The following TOR1AIP2 variants were observed in gnomAD, a reference collection of about 807,000 sequenced individuals.
TOR1AIP2 encodes torsin 1A interacting protein 2.
Under a neutral mutation model 32.6 loss-of-function variants are expected in TOR1AIP2, and 20 were observed. That is an observed-to-expected ratio of 0.61 (90% CI 0.43 to 0.89). The LOEUF (loss-of-function observed/expected upper bound fraction) is 0.89. TOR1AIP2 is among the 40% of genes least tolerant of loss of function. The probability of loss-of-function intolerance (pLI) is 0.00; values close to 1 mark genes in which losing one functional copy is unlikely to be tolerated. For missense variants in TOR1AIP2, 456 were observed against 553.8 expected (o/e 0.82, Z 1.77); for synonymous variants, 214 against 210.8 (o/e 1.02, Z -0.13).
At chr1:179,849,067 C>T (rs574129189) in intron 5 of TOR1AIP2, among the ~76,000 whole-genome samples, 77 of 151,968 alleles carry the variant, frequency 5.1e-4, no homozygotes, top group Non-Finnish European at 9.6e-4. Flanking sequence ...ATCCGGGAGG[C>T]GGAGCTTGCA....
At chr1:179,861,615 T>C (rs1558019865) in intron 3 of TOR1AIP2, 1 of 984,984 alleles carries the variant, frequency 1.0e-6, no homozygotes, top group South Asian at 4.7e-5. Flanking sequence ...GTTTAATTAA[T>C]GAGAAAAATG....
chr1:179,864,946 G>A (rs937783909), intron 3 of TOR1AIP2: 3 of 1,614,046 alleles, frequency 1.9e-6, no homozygotes, highest in East Asian at 4.5e-5. Context: ...TCCATCTGGT[G>A]AGATTCTGGG....
rs748097508 is a variant in TOR1AIP2, at chr1:179,864,940, T to C, written c.-147+496A>G. ...GATGGCAAGCTTTCTCAAAGGTCCA[T>C]CTGGTGAGATTCTGGGGAGCCCACT... On this transcript the variant is annotated intron_variant, in intron 3 of 6. Coordinates refer to ENST00000609928, the MANE Select transcript of TOR1AIP2 (RefSeq NM_001199260.2). The C allele has an allele frequency of 3.7e-6, 6 of 1,614,046 alleles. No homozygotes were observed. In the South Asian group the frequency reaches 6.6e-5, roughly 18 times the overall value.
At position 179,851,108 on chromosome 1, in the gene TOR1AIP2, C is replaced by T. The variant is rs138587725; in HGVS notation, c.290G>A (p.Gly97Asp). 2.1e-4 allele frequency: 347 copies of T among 1,614,200 alleles called. No homozygotes were observed. The highest frequency in any genetic ancestry group is 3.5e-4 in the Admixed American group (21 of 60,026). ...EDENKQSFLDGGKGHHLPSEN... is the reference protein window; with the variant it reads ...EDENKQSFLDDGKGHHLPSEN... ...TGAAGGGAGGTGATGCCCTTTTCCG[C>T]CATCCAGAAAACTCTGCTTGTTCTC... Residue 97 changes from glycine to aspartate, a missense_variant, in exon 5 of 7, where the codon GGC becomes GAC. Physicochemically the swap from Gly to Asp is moderately conservative, Grantham distance 94. Coordinates refer to ENST00000609928, the MANE Select transcript of TOR1AIP2 (RefSeq NM_001199260.2).
chr1:179,865,231 CAG>C (rs1444385436), intron 3 of TOR1AIP2: 7 of 1,529,248 alleles, frequency 4.6e-6, no homozygotes, highest in South Asian at 1.3e-5. Context: ...ACAACAGTGA[CAG>C]AGAGAGACGC....
rs574013815 is a variant in TOR1AIP2 at position 179,861,064 on chromosome 1, C to A, written c.-147+4372G>T. ...GTCTGCCCTTGCATGTTTCCATTAA[C>A]CTTTTCACTCCCTGGACTGCCATAA... is the stretch of plus-strand genomic sequence containing the variant. On this transcript the variant is annotated intron_variant, in intron 3 of 6. Coordinates refer to ENST00000609928, the MANE Select transcript of TOR1AIP2 (RefSeq NM_001199260.2). 12 of 985,312 alleles carry A rather than the reference C, an allele frequency of 1.2e-5. No homozygotes were observed. In the East Asian group the frequency reaches 4.5e-4, roughly 37 times the overall value. 61.0% of individuals were successfully genotyped at this position (985,312 alleles called of 1,614,324 possible).
intron 3 of TOR1AIP2, chr1:179,860,201 C>T (rs943382464): frequency 4.1e-6 from 4 of 985,236 alleles, no homozygotes; most frequent in South Asian, 4.7e-5. Context: ...AACTAAGACT[C>T]GGTGGACACG....
At chr1:179,865,311 C>T (rs996079114) in intron 3 of TOR1AIP2, 125 bp downstream of exon 3, 2 of 1,208,366 alleles carry the variant, frequency 1.7e-6, no homozygotes, top group African/African-American at 3.0e-5. Context: ...ATTTGGAGAG[C>T]CAAATAAACT....
At position 179,841,258 on chromosome 1, in the gene TOR1AIP2, A is replaced by G. The variant is rs1695710918; in HGVS notation, c.*4813T>C. The G allele has an allele frequency of 6.6e-6, 1 of 152,204 alleles. No homozygotes were observed. The highest frequency in any genetic ancestry group is 2.4e-5 in the African/African-American group (1 of 41,456). The allele number at this position is 152,204 out of a possible 1,614,324, so 9.4% of individuals were successfully genotyped here. On this transcript the variant is annotated 3_prime_UTR_variant, in exon 7 of 7. Transcript: ENST00000609928. ...CAAAAAACCACCATGACTTCTCAAC[A>G]AATACATTTTAAAATGAAATATGCT...
intron 3 of TOR1AIP2, among the ~76,000 whole-genome samples, chr1:179,856,726 C>T (rs530658837): frequency 3.3e-5 from 5 of 152,300 alleles, no homozygotes; most frequent in Middle Eastern, 3.4e-3. Context: ...AAGCGATTCT[C>T]GTGCCTCAGC....
intron 3 of TOR1AIP2, chr1:179,864,994 G>A (rs746735674): frequency 1.9e-6 from 3 of 1,613,992 alleles, no homozygotes; most frequent in East Asian, 4.5e-5. Context: ...GAAGAACAAG[G>A]CTTCTATTAG....
At position 179,845,094 on chromosome 1, in the gene TOR1AIP2, C is replaced by A. The variant is rs536025665; in HGVS notation, c.*977G>T. On this transcript the variant is annotated 3_prime_UTR_variant, in exon 7 of 7. Transcript: ENST00000609928. ...ATAAATAATGTATCTATACAATAAA[C>A]CTGTATTTCATCTTCCTACTCATAA... 1.6e-4 allele frequency: 25 copies of A among 152,246 alleles called. No individual in the cohort carries two copies. The highest frequency in any genetic ancestry group is 6.0e-4 in the African/African-American group (25 of 41,564). The allele number at this position is 152,246 out of a possible 1,614,324, so 9.4% of individuals were successfully genotyped here. A position where few individuals can be genotyped will look rare whatever the true frequency, so the allele number is the denominator to read the frequency against.
intron 2 of TOR1AIP2, chr1:179,875,354 C>T (rs1212074464): frequency 1.3e-5 from 2 of 152,048 alleles, no homozygotes; most frequent in Admixed American, 6.6e-5. Context: ...AATAATAGTA[C>T]TTAGATGAAA....
chr1:179,850,032 C>T (rs902425665), intron 5 of TOR1AIP2, among the ~76,000 whole-genome samples: 4 of 152,184 alleles, frequency 2.6e-5, no homozygotes, highest in Non-Finnish European at 5.9e-5. Context: ...TATTCTTTTG[C>T]ACTGGCAAAT....
At chr1:179,870,401 A>T (rs1696969380) in intron 2 of TOR1AIP2, among the ~76,000 whole-genome samples, 1 of 151,174 alleles carries the variant, frequency 6.6e-6, no homozygotes, top group South Asian at 2.1e-4. Flanking sequence ...TCCATTTCCA[A>T]AAAAAAAAAA....
intron 2 of TOR1AIP2, chr1:179,874,073 T>C (rs971334370): frequency 1.3e-5 from 2 of 152,186 alleles, no homozygotes; most frequent in Non-Finnish European, 2.9e-5. Context: ...AAGTCAACAA[T>C]ATGGACAACA....
At chr1:179,852,463 T>G (rs953407202) in intron 4 of TOR1AIP2, among the ~76,000 whole-genome samples, 169 bp downstream of exon 4, 3 of 152,220 alleles carry the variant, frequency 2.0e-5, no homozygotes, top group Non-Finnish European at 4.4e-5. Flanking sequence ...TCTCGCATTA[T>G]AGTAAAATTC....
intron 3 of TOR1AIP2, among the ~76,000 whole-genome samples, chr1:179,857,595 C>T (rs1463198275): frequency 6.6e-6 from 1 of 152,144 alleles, no homozygotes; most frequent in Non-Finnish European, 1.5e-5. Context: ...ATGGTAAATG[C>T]TTTGACTACC....
intron 3 of TOR1AIP2, chr1:179,863,254 A>G: frequency 1.5e-6 from 1 of 689,546 alleles, no homozygotes; most frequent in Non-Finnish European, 1.8e-6. Flanking sequence ...AAAAGCCCTG[A>G]TTTCTTCAAT....
Sources: gnomAD v4.1 joint callset for allele counts (sites outside exome capture counted in the v4.1 genomes callset) on GRCh38, gnomAD v4.1.1 for gene constraint, MANE v1.5 for transcripts, NCBI Gene and HGNC (gene_info 2026-07-23, HGNC 2026-07-21) for gene names.